The following SEC22A variants were observed in gnomAD, a reference collection of about 807,000 sequenced individuals.
SEC22A encodes the protein vesicle-trafficking protein SEC22a.
Under a neutral mutation model 35.3 loss-of-function variants are expected in SEC22A, and 22 were observed. That is an observed-to-expected ratio of 0.62 (90% confidence interval 0.45 to 0.89). SEC22A has a LOEUF of 0.89. Among genes scored for constraint, SEC22A ranks in the 40% least tolerant of loss-of-function variants. SEC22A has a pLI of 0.00. For synonymous variants in SEC22A, 119 were observed against 129.5 expected (o/e 0.92, Z 0.55); for missense variants, 354 against 362.5 (o/e 0.98, Z 0.19).
chr3:123,223,412 T>C, intron 2 of SEC22A, 147 bp from the exon 3 acceptor site: 1 of 625,210 alleles, frequency 1.6e-6, no homozygotes, highest in Non-Finnish European at 2.6e-6. Flanking sequence ...TTGGTTCCTT[T>C]AAATTTTTTC....
intron 6 of SEC22A, among the ~76,000 whole-genome samples, chr3:123,260,169 A>AAAAAAAAAAAAAAAAAAC (rs1559763879): frequency 5.2e-5 from 6 of 114,838 alleles, no homozygotes; most frequent in African/African-American, 2.1e-4. Context: ...AAAAAAAAAA[A>AAAAAAAAAAAAAAAAAAC]CTACTAGATT....
At chr3:123,223,447 A>C (rs1329581025) in intron 2 of SEC22A, 112 bp from the exon 3 acceptor site, 25 of 766,908 alleles carry the variant, frequency 3.3e-5, no homozygotes, top group Non-Finnish European at 5.2e-5. Context: ...AAATGTTAAG[A>C]TCTTCATTGC....
At chr3:123,267,472 C>G (rs1938053070) in intron 6 of SEC22A, among the ~76,000 whole-genome samples, 1 of 152,028 alleles carries the variant, frequency 6.6e-6, no homozygotes, top group Admixed American at 6.5e-5. Context: ...TTCAAGACAC[C>G]TTATCTCCCT....
intron 4 of SEC22A, among the ~76,000 whole-genome samples, chr3:123,244,310 G>C (rs1280134696): frequency 6.6e-6 from 1 of 152,172 alleles, no homozygotes; most frequent in East Asian, 1.9e-4. Flanking sequence ...GGAATCTCTA[G>C]AATTTCTTCC....
At chr3:123,265,467 G>T (rs1284313535) in intron 6 of SEC22A, among the ~76,000 whole-genome samples, 15 of 141,050 alleles carry the variant, frequency 1.1e-4, no homozygotes, top group African/African-American at 3.6e-4. Flanking sequence ...TTCCCAGTCA[G>T]TTTTTTTTTT....
chr3:123,209,110 T>C, intron 1 of SEC22A, 89 bp from the exon 2 acceptor site: 1 of 1,015,978 alleles, frequency 9.8e-7, no homozygotes, highest in Non-Finnish European at 1.5e-6. Flanking sequence ...TTACTATTCT[T>C]ATATTACTAG....
At chr3:123,208,818 G>A (rs945604777) in intron 1 of SEC22A, 5 of 181,516 alleles carry the variant, frequency 2.8e-5, no homozygotes, top group East Asian at 1.5e-4. Context: ...CTCCTGAGAC[G>A]GAGTCTCACT....
chr3:123,258,372 T>C (rs932036575), intron 5 of SEC22A, among the ~76,000 whole-genome samples: 50 of 152,272 alleles, frequency 3.3e-4, no homozygotes, highest in African/African-American at 1.1e-3. Context: ...CCAGATTCTC[T>C]ACAATGAACA....
At chr3:123,233,544 A>G (rs1399187448) in intron 4 of SEC22A, among the ~76,000 whole-genome samples, 2 of 152,194 alleles carry the variant, frequency 1.3e-5, no homozygotes, top group Non-Finnish European at 2.9e-5. Flanking sequence ...AAATCAATTA[A>G]TGTAATATAT....
At chr3:123,240,052 A>C (rs1036091732) in intron 4 of SEC22A, among the ~76,000 whole-genome samples, 1 of 152,016 alleles carries the variant, frequency 6.6e-6, no homozygotes, top group Non-Finnish European at 1.5e-5. Flanking sequence ...TGGCTGTGAG[A>C]GCCTTGTAGA....
chr3:123,235,744 A>G (rs1050379792), intron 4 of SEC22A, among the ~76,000 whole-genome samples: 13 of 152,222 alleles, frequency 8.5e-5, no homozygotes, highest in African/African-American at 2.7e-4. Flanking sequence ...GCATTATGCA[A>G]AATAATTTAT....
intron 6 of SEC22A, among the ~76,000 whole-genome samples, chr3:123,265,467 G>A (rs1284313535): frequency 1.4e-5 from 2 of 141,010 alleles, no homozygotes; most frequent in Admixed American, 7.1e-5. Context: ...TTCCCAGTCA[G>A]TTTTTTTTTT....
chr3:123,244,924 G>A (rs1937554593), intron 4 of SEC22A, among the ~76,000 whole-genome samples: 1 of 152,108 alleles, frequency 6.6e-6, no homozygotes, highest in Admixed American at 6.6e-5. Flanking sequence ...GATGATGAAG[G>A]GAAGCTATTG....
In SEC22A at chr3:123,256,697, A is replaced by G. The variant is rs140121888; in HGVS notation, c.658-2827A>G. On this transcript the variant is annotated intron_variant, in intron 5 of 6. Coordinates refer to ENST00000492595, the MANE Select transcript of SEC22A (RefSeq NM_012430.5). Reference sequence around the variant, plus strand: ...TTGGGTGGTAATTATTGACTTACGTATCTGCCTTAATTAGAGTGACCTCCT... The same window carrying G: ...TTGGGTGGTAATTATTGACTTACGTGTCTGCCTTAATTAGAGTGACCTCCT... Among the ~76,000 whole-genome samples the G allele has an allele frequency of 2.8e-4, 42 of 150,384 alleles. 1 individual carries two copies. The East Asian group carries it at 8.0e-3, about 29-fold the overall frequency.
At chr3:123,237,901 C>T (rs1937448133) in intron 4 of SEC22A, among the ~76,000 whole-genome samples, 1 of 152,064 alleles carries the variant, frequency 6.6e-6, no homozygotes, top group South Asian at 2.1e-4. Flanking sequence ...CCTGTAATCC[C>T]AGCACTTGAG....
chr3:123,207,625 A>G (rs1222558106), intron 1 of SEC22A, among the ~76,000 whole-genome samples: 3 of 152,222 alleles, frequency 2.0e-5, no homozygotes, highest in Non-Finnish European at 4.4e-5. Context: ...GCAAATTGTC[A>G]AGCCCTATCC....
chr3:123,267,231 AG>A (rs1269569782), intron 6 of SEC22A, among the ~76,000 whole-genome samples: 2 of 151,700 alleles, frequency 1.3e-5, no homozygotes, highest in Admixed American at 1.3e-4. Flanking sequence ...GCTGTACGTA[AG>A]TCATTTATAG....
At chr3:123,271,184 C>T (rs1320568256) in intron 6 of SEC22A, among the ~76,000 whole-genome samples, 2 of 152,224 alleles carry the variant, frequency 1.3e-5, no homozygotes, top group Admixed American at 1.3e-4. Context: ...GGAACACCCG[C>T]AGACCCTGGG....
chr3:123,243,457 T>G (rs1451433103), intron 4 of SEC22A, among the ~76,000 whole-genome samples: 3 of 152,138 alleles, frequency 2.0e-5, no homozygotes, highest in Non-Finnish European at 4.4e-5. Context: ...CATTCTTTTC[T>G]CTGCGTGGAA....
Sources: allele counts gnomAD v4.1 joint callset (sites outside exome capture counted in the v4.1 genomes callset), GRCh38; gene constraint gnomAD v4.1.1; transcripts MANE v1.5; gene names NCBI Gene and HGNC (gene_info 2026-07-23, HGNC 2026-07-21).